Variants in PLEC observed in about 807,000 individuals in gnomAD.
PLEC encodes plectin, also known as hemidesmosomal protein 1.
Under a neutral mutation model 392.8 loss-of-function variants are expected in PLEC, and 216 were observed. The observed-to-expected ratio is 0.55, with a 90% CI of 0.49 to 0.62. PLEC has a LOEUF of 0.62. PLEC is among the 20% of genes least tolerant of loss of function. The pLI, the probability that PLEC is intolerant of heterozygous loss-of-function variation, is 0.00. For synonymous variants in PLEC, 3,621 were observed against 2,980.6 expected (o/e 1.21, Z -7.00); for missense variants, 6,863 against 6,563.4 (o/e 1.05, Z -1.58).
rs781885153 is a variant in PLEC, at chr8:143,922,629, G to C, written c.7300C>G (p.Leu2434Val). The change falls in exon 31 of 32, where the codon CTG (leucine) becomes GTG (valine). Residue 2434 changes from leucine (L) to valine (V), a missense_variant. Physicochemically the swap from Leu to Val is conservative, Grantham distance 32. Transcript: ENST00000345136. ...TCACTCTGCTGTCGCTGGATCTCCA[G>C]TGTCTGCACCAGGGTCACCTTCTCC... ...TQEKVTLVQT[L>V]EIQRQQSDHD... 6 of 1,613,644 alleles carry C rather than the reference G, an allele frequency of 3.7e-6. No homozygotes were observed. Among genetic ancestry groups the C allele is most frequent in the Non-Finnish European group, 5.1e-6 (6 of 1,179,998 alleles).
In PLEC at chr8:143,924,146, A is replaced by C. The variant is rs782175736; in HGVS notation, c.5783T>G (p.Leu1928Arg). ...RQRRQVEEEI[L>R]ALKASFEKAA... ...CTTCTCGAAGCTCGCCTTCAGCGCCAGGATCTCCTCCTCCACCTGCCGCCG... is the reference window on the plus strand; with the variant it reads ...CTTCTCGAAGCTCGCCTTCAGCGCCCGGATCTCCTCCTCCACCTGCCGCCG... The change falls in exon 31 of 32, where the codon CTG (leucine) becomes CGG (arginine). Residue 1928 changes from leucine to arginine, a missense_variant. Physicochemically the swap from Leu to Arg is moderately radical, Grantham distance 102. Coordinates refer to ENST00000345136, the MANE Select transcript of PLEC (RefSeq NM_201384.3). The C allele has an allele frequency of 6.3e-6, 10 of 1,598,498 alleles. No homozygotes were observed. The Admixed American group carries it at 6.7e-5, about 11-fold the overall frequency.
Position 143,924,076 on chromosome 8 carries a change from G to A in PLEC, c.5853C>T (p.Ile1951=), listed in dbSNP as rs782424684. 5.0e-6 allele frequency: 8 copies of A among 1,597,768 alleles called. No individual in the cohort carries two copies. The highest frequency in any genetic ancestry group is 5.9e-6 in the Non-Finnish European group (7 of 1,179,174). ...KAELELELGR[I]RSNAEDTLRS... ...GCAGCGTGTCCTCCGCGTTGCTGCG[G>A]ATGCGTCCCAGCTCCAGCTCCAGCT... Residue 1951 remains isoleucine (I), a synonymous_variant, in exon 31 of 32, where the codon ATC becomes ATT. Coordinates refer to ENST00000345136, the MANE Select transcript of PLEC (RefSeq NM_201384.3).
At chr8:143,939,670 C>T, upstream of PLEC, 1 of 1,400,842 alleles carries the variant, frequency 7.1e-7, no homozygotes, top group South Asian at 1.5e-5. Flanking sequence ...CCACCCTGCC[C>T]AGGCCGCCGC....
Position 143,922,980 on chromosome 8 carries a change from G to A in PLEC, c.6949C>T (p.Gln2317Ter). The part of the protein sequence containing the change: ...LAEKMLKEKM[Q>*]AVQEATRLKA... ...AGTCGCGTGGCCTCCTGCACCGCCTGCATCTTCTCCTTGAGCATCTTCTCT... is the reference window on the plus strand; with the variant it reads ...AGTCGCGTGGCCTCCTGCACCGCCTACATCTTCTCCTTGAGCATCTTCTCT... The change falls in exon 31 of 32, where the codon CAG becomes TAG. Residue 2317 changes from glutamine (Q) to a stop codon, truncating the protein, a stop_gained. Coordinates refer to ENST00000345136, the MANE Select transcript of PLEC (RefSeq NM_201384.3). LOFTEE classifies it high-confidence loss of function. 1 of 1,611,552 alleles carries A rather than the reference G, an allele frequency of 6.2e-7. No homozygotes were observed. The highest frequency in any genetic ancestry group is 8.5e-7 in the Non-Finnish European group (1 of 1,179,376).
chr8:143,965,670 C>T (rs1308616472), intron 1 of PLEC, among the ~76,000 whole-genome samples: 1 of 152,178 alleles, frequency 6.6e-6, no homozygotes. Flanking sequence ...CCTCTTGGGC[C>T]TCACTGGGGA....
rs1288314642 is a variant in PLEC, at chr8:143,934,487, AG to A, written c.1042-43del. 6 of 1,608,134 alleles carry A rather than the reference AG, an allele frequency of 3.7e-6. No individual in the cohort carries two copies. The Admixed American group carries it at 8.3e-5, about 22-fold the overall frequency. On this transcript the variant is annotated intron_variant, in intron 10 of 31. Transcript: ENST00000345136. ...CACTCAGGCCCTATAGGCAGGGGGC[AG>A]GGGGTGGGGCGCTGGGCCTTCAGAC...
At chr8:143,937,434 G>A (rs1409733944) in intron 3 of PLEC, among the ~76,000 whole-genome samples, 192 bp from the exon 4 acceptor site, 1 of 152,180 alleles carries the variant, frequency 6.6e-6, no homozygotes, top group Admixed American at 6.5e-5. Flanking sequence ...GCCCATCAGG[G>A]CTCGGGAAGT....
chr8:143,934,282 C>G, intron 11 of PLEC, 36 bp downstream of exon 11: 1 of 1,609,890 alleles, frequency 6.2e-7, no homozygotes, highest in Non-Finnish European at 8.5e-7. Context: ...GACACACCCT[C>G]GGGTGGTTCC....
At position 143,915,744 on chromosome 8, in the gene PLEC, T is replaced by A. The variant is rs1820334120; in HGVS notation, c.*433A>T. ...TCTCTGGGTAGACTGGGAGAGAGGC[T>A]GACTGGGGCCCCCCGTCCCCAGCAA... On this transcript the variant is annotated 3_prime_UTR_variant, in exon 32 of 32. Coordinates refer to ENST00000345136, the MANE Select transcript of PLEC (RefSeq NM_201384.3). The A allele has an allele frequency of 6.4e-6, 1 of 155,926 alleles. No individual in the cohort carries two copies. The highest frequency in any genetic ancestry group is 2.4e-5 in the African/African-American group (1 of 41,434). The allele number at this position is 155,926 out of a possible 1,614,324, so 9.7% of individuals were successfully genotyped here.
In PLEC at chr8:143,928,363, C is replaced by T. The variant is rs1476899346; in HGVS notation, c.3261-371G>A. 2.6e-5 allele frequency among the ~76,000 whole-genome samples: 4 copies of T among 152,392 alleles called. No homozygotes were observed. The East Asian group carries it at 7.7e-4, about 29-fold the overall frequency. ...GCAGCCCAAGACTGGGCGAAGGGGA[C>T]ACCGGGGTGGAAATGGCACCCTGTG... On this transcript the variant is annotated intron_variant, in intron 25 of 31. Coordinates refer to ENST00000345136, the MANE Select transcript of PLEC (RefSeq NM_201384.3).
Position 143,927,964 on chromosome 8 carries a change from C to T in PLEC, c.3289G>A (p.Gly1097Ser), listed in dbSNP as rs201361172. The change falls in exon 26 of 32, where the codon GGC becomes AGC. Residue 1097 changes from glycine (G) to serine (S), a missense_variant. Gly to Ser is a moderately conservative substitution (Grantham distance 56, BLOSUM62 0). Transcript: ENST00000345136. ...AGCACCTCCTCGGCCCCCTGCGTGC[C>T]GCGGATCACCAGGCTGATGGTCTTG... ...KLKTISLVIRGTQGAEEVLRA... is the reference protein window; with the variant it reads ...KLKTISLVIRSTQGAEEVLRA... The T allele has an allele frequency of 1.9e-5, 30 of 1,601,408 alleles. No individual in the cohort carries two copies. The East Asian group carries it at 2.5e-4, about 13-fold the overall frequency.
At chr8:143,938,737 C>T (rs781961668) in intron 1 of PLEC, 45 bp from the exon 2 acceptor site, 35 of 1,570,482 alleles carry the variant, frequency 2.2e-5, no homozygotes, top group East Asian at 4.5e-5. Context: ...GGAGAAGCCC[C>T]GGGGGCCCTC....
chr8:143,926,838 C>T lies in PLEC; in HGVS notation c.3990G>A (p.Thr1330=), dbSNP rs782639631. Residue 1330 remains threonine (T), a synonymous_variant, in exon 30 of 32, where the codon ACG becomes ACA. Coordinates refer to ENST00000345136, the MANE Select transcript of PLEC (RefSeq NM_201384.3). ...CGCTGATGAACTTGATGTACTGGCT[C>T]GTCAGTGTGGTCAGCTCGCTGTAGT... ...RTHYSELTTL[T]SQYIKFISET... is the part of the protein sequence containing the mutation. 1.7e-5 allele frequency: 27 copies of T among 1,613,598 alleles called. No homozygotes were observed. Among genetic ancestry groups the T allele is most frequent in the African/African-American group, 6.7e-5 (5 of 74,946 alleles).
At position 143,920,678 on chromosome 8, in the gene PLEC, A is replaced by G. The variant is rs1554682604; in HGVS notation, c.9143T>C (p.Leu3048Pro). The G allele has an allele frequency of 6.2e-7, 1 of 1,603,096 alleles. No individual in the cohort carries two copies. Among genetic ancestry groups the G allele is most frequent in the African/African-American group, 1.3e-5 (1 of 74,908 alleles). ...LSIYNALKKD[L>P]LPSDMAVALL... is the part of the protein sequence containing the mutation. ...GGCCACGGCCATGTCGGATGGCAGC[A>G]GGTCTTTCTTCAGGGCATTGTAGAT... The change falls in exon 32 of 32, where the codon CTG becomes CCG. Residue 3048 changes from leucine (L) to proline (P), a missense_variant. Coordinates refer to ENST00000345136, the MANE Select transcript of PLEC (RefSeq NM_201384.3).
Position 143,924,901 on chromosome 8 carries a change from G to A in PLEC, c.5028C>T (p.Arg1676=), listed in dbSNP as rs200727084. 619 of 1,587,100 alleles carry A rather than the reference G, an allele frequency of 3.9e-4. 9 individuals carry two copies. In the East Asian group the frequency reaches 0.012, roughly 30 times the overall value. The change falls in exon 31 of 32, where the codon CGC becomes CGT. Residue 1676 remains arginine, a synonymous_variant. Coordinates refer to ENST00000345136, the MANE Select transcript of PLEC (RefSeq NM_201384.3). ...KEEAEREARR[R]GKAEEQAVRQ... ...GGACGGCCTGCTCCTCCGCCTTGCC[G>A]CGCCGCCGCGCCTCGCGCTCCGCCT... is the stretch of plus-strand genomic sequence containing the variant.
chr8:143,924,611 C>A lies in PLEC; in HGVS notation c.5318G>T (p.Arg1773Met). 1 of 1,542,140 alleles carries A rather than the reference C, an allele frequency of 6.5e-7. No homozygotes were observed. The highest frequency in any genetic ancestry group is 2.4e-5 in the East Asian group (1 of 41,264). ...GGTGGAGCGCGACTCCTCCTCAGCC[C>A]TCGCCTTGCTGGCCAGCAGCACCTC... is the stretch of plus-strand genomic sequence containing the variant. ...EMEVLLASKA[R>M]AEEESRSTSE... Residue 1773 changes from arginine (R) to methionine (M), a missense_variant, in exon 31 of 32, where the codon AGG (arginine) becomes ATG (methionine). By Grantham distance (91) the Arg-to-Met change is moderately conservative. Coordinates refer to ENST00000345136, the MANE Select transcript of PLEC (RefSeq NM_201384.3).
chr8:143,929,959 T>C lies in PLEC; in HGVS notation c.2716A>G (p.Ile906Val). Reference protein sequence around the residue: ...WQSLRRDVQLIRSWSLATFRT... With the variant: ...WQSLRRDVQLVRSWSLATFRT... Reference sequence around the variant, plus strand: ...ACCGTGGCCAGGGACCAGGAGCGGATGAGCTGCACGTCGCGGCGAAGGCTC... The same window carrying C: ...ACCGTGGCCAGGGACCAGGAGCGGACGAGCTGCACGTCGCGGCGAAGGCTC... Residue 906 changes from isoleucine to valine, a missense_variant, in exon 22 of 32, where the codon ATC (isoleucine) becomes GTC (valine). Transcript: ENST00000345136. 1 of 1,611,082 alleles carries C rather than the reference T, an allele frequency of 6.2e-7. No individual in the cohort carries two copies. The highest frequency in any genetic ancestry group is 1.1e-5 in the South Asian group (1 of 90,984).
Position 143,915,863 on chromosome 8 carries a change from C to T in PLEC, c.*314G>A, listed in dbSNP as rs1237044221. 5 of 238,124 alleles carry T rather than the reference C, an allele frequency of 2.1e-5. No homozygotes were observed. Among genetic ancestry groups the T allele is most frequent in the Non-Finnish European group, 3.2e-5 (4 of 124,764 alleles). 14.8% of individuals were successfully genotyped at this position (238,124 alleles called of 1,614,324 possible). A position where few individuals can be genotyped will look rare whatever the true frequency, so the allele number is the denominator to read the frequency against. The stretch of plus-strand genomic sequence containing the variant: ...TGTGCAGCTAGGACTGGCAGGCGGG[C>T]TACCCTGGGAAGACAGGAGGGTGGG... On this transcript the variant is annotated 3_prime_UTR_variant, in exon 32 of 32. Coordinates refer to ENST00000345136, the MANE Select transcript of PLEC (RefSeq NM_201384.3).
upstream of PLEC, chr8:143,953,704 G>A: frequency 1.2e-6 from 2 of 1,607,176 alleles, no homozygotes; most frequent in Non-Finnish European, 1.7e-6. Flanking sequence ...CCCCCGGCTC[G>A]GGCCCGGCCC....
Sources: gnomAD v4.1 joint callset for allele counts (sites outside exome capture counted in the v4.1 genomes callset) on GRCh38, gnomAD v4.1.1 for gene constraint, MANE v1.5 for transcripts, NCBI Gene and HGNC (gene_info 2026-07-23, HGNC 2026-07-21) for gene names.